Variants in GRID2 observed in about 807,000 individuals in gnomAD.
The protein encoded by GRID2 is glutamate ionotropic receptor delta type subunit 2.
Under a neutral mutation model 114.8 loss-of-function variants are expected in GRID2, and 33 were observed. That is an observed-to-expected ratio of 0.29 (90% confidence interval 0.22 to 0.38). The LOEUF (loss-of-function observed/expected upper bound fraction) is 0.38, where lower values mean the gene tolerates loss of function less well. Ranked by LOEUF, GRID2 falls within the 10% of genes least tolerant of loss-of-function variation. GRID2 has a pLI of 1.00. For synonymous variants in GRID2, 505 were observed against 449.9 expected (o/e 1.12, Z -1.55); for missense variants, 1,184 against 1,257.7 (o/e 0.94, Z 0.89).
At chr4:92,798,318 G>A (rs967376412) in intron 2 of GRID2, among the ~76,000 whole-genome samples, 2 of 151,952 alleles carry the variant, frequency 1.3e-5, no homozygotes, top group Non-Finnish European at 2.9e-5. Flanking sequence ...TTAAAAGTGT[G>A]TAAATCAAAT....
chr4:92,681,911 A>AG (rs1284069166), intron 2 of GRID2, among the ~76,000 whole-genome samples: 2 of 152,170 alleles, frequency 1.3e-5, no homozygotes, highest in African/African-American at 4.8e-5. Flanking sequence ...AGAAAAAAAA[A>AG]GAAGGTAGCT....
intron 2 of GRID2, among the ~76,000 whole-genome samples, chr4:92,918,701 C>T (rs1207705508): frequency 1.3e-5 from 2 of 151,986 alleles, no homozygotes; most frequent in Non-Finnish European, 2.9e-5. Flanking sequence ...GGGATGAAGC[C>T]CACTGGATCA....
At position 93,697,865 on chromosome 4, in the gene GRID2, G is replaced by GTATATATATATA. The variant is rs574552355; in HGVS notation, c.2361-71344_2361-71343insATATATATATAT. On this transcript the variant is annotated intron_variant, in intron 14 of 15. Transcript: ENST00000282020. Reference sequence around the variant, plus strand: ...TGGCTCAATTTAGTCATTCCACAATGTGTGTATATATATATTTCAAAACAA... The same window carrying GTATATATATATA: ...TGGCTCAATTTAGTCATTCCACAATGTATATATATATATGTGTATATATATATTTCAAAACAA... Among the ~76,000 whole-genome samples the GTATATATATATA allele has an allele frequency of 4.7e-4, 35 of 74,890 alleles. 1 individual carries two copies. Among genetic ancestry groups the GTATATATATATA allele is most frequent in the African/African-American group, 1.3e-3 (35 of 27,722 alleles). The allele number at this position is 74,890 out of a possible 152,430, so 49.1% of individuals were successfully genotyped here. A position where few individuals can be genotyped will look rare whatever the true frequency, so the allele number is the denominator to read the frequency against.
intron 1 of GRID2, among the ~76,000 whole-genome samples, chr4:92,404,692 T>C (rs924168539): frequency 2.0e-5 from 3 of 152,168 alleles, no homozygotes; most frequent in African/African-American, 7.2e-5. Context: ...TGGAATACTG[T>C]GCAGCCATAA....
At chr4:92,909,593 T>C (rs1748216485) in intron 2 of GRID2, among the ~76,000 whole-genome samples, 1 of 152,162 alleles carries the variant, frequency 6.6e-6, no homozygotes, top group Non-Finnish European at 1.5e-5. Context: ...CAGGGATACT[T>C]GGATGATTGG....
intron 2 of GRID2, among the ~76,000 whole-genome samples, chr4:93,023,141 G>A (rs1371517732): frequency 6.6e-6 from 1 of 150,908 alleles, no homozygotes; most frequent in African/African-American, 2.4e-5. Context: ...ATGTGTGTGT[G>A]TGTGTGTGTC....
At chr4:92,921,224 A>T (rs1749303258) in intron 2 of GRID2, among the ~76,000 whole-genome samples, 1 of 151,934 alleles carries the variant, frequency 6.6e-6, no homozygotes, top group Non-Finnish European at 1.5e-5. Flanking sequence ...ACTTCTCTGC[A>T]TTGGTTATTC....
intron 4 of GRID2, among the ~76,000 whole-genome samples, chr4:93,156,726 A>G (rs1737218947): frequency 1.3e-5 from 2 of 151,776 alleles, no homozygotes; most frequent in African/African-American, 4.8e-5. Flanking sequence ...TAAGGGATGC[A>G]CGGGAGGGAT....
chr4:92,399,226 C>T (rs995591462), intron 1 of GRID2, among the ~76,000 whole-genome samples: 15 of 152,076 alleles, frequency 9.9e-5, no homozygotes, highest in African/African-American at 3.4e-4. Flanking sequence ...TAATAATAAC[C>T]CCGAGGACAG....
At chr4:93,539,543 G>A (rs1000314633) in intron 13 of GRID2, among the ~76,000 whole-genome samples, 9 of 151,884 alleles carry the variant, frequency 5.9e-5, no homozygotes, top group African/African-American at 1.7e-4. Context: ...CATGTGTTAG[G>A]TCTCTTGTTT....
chr4:93,215,011 G>A (rs1400078061), intron 5 of GRID2, among the ~76,000 whole-genome samples: 1 of 151,972 alleles, frequency 6.6e-6, no homozygotes, highest in African/African-American at 2.4e-5. Flanking sequence ...CTGAATCTTT[G>A]TTTATAAACT....
chr4:93,164,864 G>A lies in GRID2; in HGVS notation c.736-42540G>A, dbSNP rs535857841. The A allele has an allele frequency of 5.3e-5, 16 of 299,166 alleles. No homozygotes were observed. In the East Asian group the frequency reaches 7.0e-4, roughly 13 times the overall value. 18.5% of individuals were successfully genotyped at this position (299,166 alleles called of 1,614,324 possible). A position where few individuals can be genotyped will look rare whatever the true frequency, so the allele number is the denominator to read the frequency against. Reference sequence around the variant, plus strand: ...TTGACTACTGTTCTCTAATTCATGCGTACCTCTGATATTGACGTGTTAAGG... The same window carrying A: ...TTGACTACTGTTCTCTAATTCATGCATACCTCTGATATTGACGTGTTAAGG... On this transcript the variant is annotated intron_variant, in intron 4 of 15. Transcript: ENST00000282020.
At chr4:93,216,948 C>T (rs755873386) in intron 6 of GRID2, 37 bp downstream of exon 6, 3 of 1,448,956 alleles carry the variant, frequency 2.1e-6, no homozygotes, top group South Asian at 1.2e-5. Flanking sequence ...TTCCAGGGTG[C>T]TTTGTTGGGC....
At chr4:93,163,355 T>TGC (rs1737878280) in intron 4 of GRID2, among the ~76,000 whole-genome samples, 1 of 44,180 alleles carries the variant, frequency 2.3e-5, no homozygotes, top group Non-Finnish European at 3.9e-5. Flanking sequence ...TTTTTTTTTG[T>TGC]GTATATATAT....
chr4:93,127,335 G>A (rs1353321638), intron 4 of GRID2, among the ~76,000 whole-genome samples: 3 of 152,058 alleles, frequency 2.0e-5, no homozygotes, highest in Non-Finnish European at 4.4e-5. Context: ...TGCCATCTGA[G>A]GGACAAGAGT....
At chr4:93,327,875 C>A (rs1347689521) in intron 8 of GRID2, among the ~76,000 whole-genome samples, 1 of 151,982 alleles carries the variant, frequency 6.6e-6, no homozygotes, top group African/African-American at 2.4e-5. Context: ...ACTTGTACCC[C>A]ATAAATTTAT....
At chr4:93,253,792 T>C (rs895959239) in intron 8 of GRID2, among the ~76,000 whole-genome samples, 6 of 152,136 alleles carry the variant, frequency 3.9e-5, no homozygotes, top group African/African-American at 1.2e-4. Flanking sequence ...TAAATATTTT[T>C]ATTCCAAAAT....
intron 1 of GRID2, among the ~76,000 whole-genome samples, chr4:92,560,738 C>T (rs1247711659): frequency 6.6e-6 from 1 of 152,058 alleles, no homozygotes; most frequent in Non-Finnish European, 1.5e-5. Context: ...CAGAGTGCCA[C>T]TCTTGACGCC....
At chr4:93,257,959 A>G (rs1749778393) in intron 8 of GRID2, among the ~76,000 whole-genome samples, 1 of 144,516 alleles carries the variant, frequency 6.9e-6, no homozygotes, top group Non-Finnish European at 1.5e-5. Flanking sequence ...ATATATACAT[A>G]TACACACAAT....
Sources: allele counts gnomAD v4.1 joint callset (sites outside exome capture counted in the v4.1 genomes callset), GRCh38; gene constraint gnomAD v4.1.1; transcripts MANE v1.5; gene names NCBI Gene and HGNC (gene_info 2026-07-23, HGNC 2026-07-21).